COL10A1: variants seen among roughly 807,000 people sequenced by gnomAD.
COL10A1 encodes collagen alpha-1(X) chain.
Under a neutral mutation model 18.2 loss-of-function variants are expected in COL10A1, and 10 were observed. That is an observed-to-expected ratio of 0.55 (90% CI 0.34 to 0.93). The LOEUF (loss-of-function observed/expected upper bound fraction) is 0.93, where lower values mean the gene tolerates loss of function less well. Among genes scored for constraint, COL10A1 ranks in the 40% least tolerant of loss-of-function variants. COL10A1 has a pLI of 0.02. For synonymous variants in COL10A1, 330 were observed against 316.6 expected, an observed-to-expected ratio of 1.04 and a Z score of -0.45; for missense variants, 897 against 853.5, an observed-to-expected ratio of 1.05 and a Z score of -0.64.
At chr6:116,125,245 A>G (rs1409617403) in intron 2 of COL10A1, 94 bp downstream of exon 2, 6 of 1,435,020 alleles carry the variant, frequency 4.2e-6, no homozygotes, top group East Asian at 2.3e-5. Context: ...GGAAAGTAAC[A>G]CCAAAGTTAA....
At chr6:116,167,729 A>C in the COL10A1 span, among the ~76,000 whole-genome samples, 1 of 152,164 alleles carries the variant, frequency 6.6e-6, no homozygotes, top group East Asian at 1.9e-4. Context: ...TTCCTAGAAA[A>C]GTCAATGCCC....
chr6:116,183,314 T>C, the COL10A1 span, among the ~76,000 whole-genome samples: 1 of 152,218 alleles, frequency 6.6e-6, no homozygotes, highest in South Asian at 2.1e-4. Context: ...ATGTGATGCC[T>C]CCAGATTTGT....
the COL10A1 span, among the ~76,000 whole-genome samples, chr6:116,176,346 A>T: frequency 6.6e-6 from 1 of 152,066 alleles, no homozygotes; most frequent in Non-Finnish European, 1.5e-5. Flanking sequence ...GCTTAGCATT[A>T]TGTGGTTTGC....
At chr6:116,163,286 T>C (rs1780386779), upstream of COL10A1, among the ~76,000 whole-genome samples, 1 of 150,972 alleles carries the variant, frequency 6.6e-6, no homozygotes, top group Non-Finnish European at 1.5e-5. Flanking sequence ...TTATTACTGA[T>C]TCAATTTTAT....
intron 1 of COL10A1, among the ~76,000 whole-genome samples, chr6:116,135,867 A>ATGTGTATATATATATATATGTATGTATG (rs1371997906): frequency 6.0e-5 from 7 of 116,176 alleles, no homozygotes; most frequent in African/African-American, 1.9e-4. Flanking sequence ...ATATATATAT[A>ATGTGTATATATATATATATGTATGTATG]TATATACACA....
chr6:116,138,945 A>G (rs1306023591), intron 1 of COL10A1, among the ~76,000 whole-genome samples: 1 of 152,142 alleles, frequency 6.6e-6, no homozygotes, highest in African/African-American at 2.4e-5. Flanking sequence ...TAATTGCATT[A>G]TTAGTTTTGT....
intron 1 of COL10A1, among the ~76,000 whole-genome samples, chr6:116,157,609 C>A (rs527939007): frequency 6.6e-6 from 1 of 152,100 alleles, no homozygotes; most frequent in Non-Finnish European, 1.5e-5. Flanking sequence ...TTCCAGTAGA[C>A]CATAACAAAA....
the COL10A1 span, among the ~76,000 whole-genome samples, chr6:116,167,961 T>G: frequency 3.9e-5 from 6 of 152,186 alleles, no homozygotes; most frequent in Admixed American, 3.3e-4. Context: ...TAGTTTCTAT[T>G]GTTTATGTTG....
the COL10A1 span, among the ~76,000 whole-genome samples, chr6:116,176,229 C>G: frequency 6.6e-6 from 1 of 152,146 alleles, no homozygotes. Flanking sequence ...CTAAGTTTTC[C>G]TCAGGATTAC....
the COL10A1 span, among the ~76,000 whole-genome samples, chr6:116,211,505 A>C: frequency 6.6e-6 from 1 of 152,066 alleles, no homozygotes; most frequent in African/African-American, 2.4e-5. Context: ...AGTTGACTGT[A>C]TTTTATGTAT....
At chr6:116,203,954 G>A in the COL10A1 span, among the ~76,000 whole-genome samples, 3 of 151,688 alleles carry the variant, frequency 2.0e-5, no homozygotes, top group African/African-American at 4.8e-5. Context: ...AGTTTTAGAC[G>A]ACAGATGCCC....
rs73566408 is a variant in COL10A1 at position 116,156,221 on chromosome 6, G to A, written c.-16+2393C>T. Among the ~76,000 whole-genome samples, 619 of 152,082 alleles carry A rather than the reference G, an allele frequency of 4.1e-3. 6 individuals carry two copies. The highest frequency in any genetic ancestry group is 0.014 in the African/African-American group (588 of 41,500). The stretch of plus-strand genomic sequence containing the variant: ...CATTTGTCCCTGTTTTCTTGTGTTT[G>A]CTCTTCACTTTCTGTAGTTTTTTCC... On this transcript the variant is annotated intron_variant, in intron 1 of 1. Transcript: ENST00000418500.
chr6:116,188,160 C>T, the COL10A1 span, among the ~76,000 whole-genome samples: 2 of 151,956 alleles, frequency 1.3e-5, no homozygotes, highest in Non-Finnish European at 2.9e-5. Context: ...AGATATCCAT[C>T]AGAATAGTTG....
the COL10A1 span, among the ~76,000 whole-genome samples, chr6:116,194,872 T>C: frequency 6.6e-6 from 1 of 152,072 alleles, no homozygotes; most frequent in Non-Finnish European, 1.5e-5. Flanking sequence ...TTTTATGGTT[T>C]ACATTATTAG....
the COL10A1 span, among the ~76,000 whole-genome samples, chr6:116,183,843 C>T: frequency 8.9e-4 from 135 of 151,970 alleles, no homozygotes; most frequent in African/African-American, 3.2e-3. Flanking sequence ...ATGTCATCAG[C>T]AGAAGCAACA....
the COL10A1 span, among the ~76,000 whole-genome samples, chr6:116,178,106 C>T: frequency 0.18 from 23,456 of 130,728 alleles, 2,039 homozygotes; most frequent in East Asian, 0.25. Flanking sequence ...CGCGCGCGTG[C>T]GTGCGTGTGT....
chr6:116,121,794 G>A lies in COL10A1; in HGVS notation c.322C>T (p.Pro108Ser). 3.1e-6 allele frequency: 5 copies of A among 1,613,608 alleles called. No individual in the cohort carries two copies. Among genetic ancestry groups the A allele is most frequent in the Non-Finnish European group, 4.2e-6 (5 of 1,179,898 alleles). ...TTTCCTGGGAGTCCTGGCACACCTG[G>A]TTTCCCTACAGCTGATGGTCCCGGT... ...GPPGPSAVGK[P>S]GVPGLPGKPG... The change falls in exon 3 of 3, where the codon CCA becomes TCA. Residue 108 changes from proline (P) to serine (S), a missense_variant. By Grantham distance (74) the Pro-to-Ser change is moderately conservative. Transcript: ENST00000651968.
chr6:116,209,576 C>T, the COL10A1 span, among the ~76,000 whole-genome samples: 7 of 151,846 alleles, frequency 4.6e-5, no homozygotes, highest in Non-Finnish European at 8.8e-5. Context: ...GGGGAGGGCT[C>T]CTCATAGAAG....
At chr6:116,152,877 T>G (rs796471151) in intron 1 of COL10A1, among the ~76,000 whole-genome samples, 24 of 152,240 alleles carry the variant, frequency 1.6e-4, no homozygotes, top group African/African-American at 5.8e-4. Context: ...GAGTTCTTGA[T>G]TGTGCTCTAT....
Sources: gnomAD v4.1 joint callset for allele counts (sites outside exome capture counted in the v4.1 genomes callset) on GRCh38, gnomAD v4.1.1 for gene constraint, MANE v1.5 for transcripts, NCBI Gene and HGNC (gene_info 2026-07-23, HGNC 2026-07-21) for gene names.